PTPRN2: variants seen among roughly 807,000 people sequenced by gnomAD.
PTPRN2 encodes receptor-type tyrosine-protein phosphatase N2.
A neutral mutation model predicts 118.8 loss-of-function variants in PTPRN2; 74 were observed. That is an observed-to-expected ratio of 0.62 (90% CI 0.52 to 0.76). PTPRN2 has a LOEUF of 0.76. Among genes scored for constraint, PTPRN2 ranks in the 30% least tolerant of loss-of-function variants. PTPRN2 has a pLI of 0.00. For missense variants in PTPRN2, 1,481 were observed against 1,394.4 expected (o/e 1.06, Z -0.99); for synonymous variants, 641 against 608.0 (o/e 1.05, Z -0.80).
chr7:157,924,730 C>T (rs1042644262), intron 11 of PTPRN2, among the ~76,000 whole-genome samples: 12 of 152,256 alleles, frequency 7.9e-5, no homozygotes, highest in Non-Finnish European at 1.3e-4. Flanking sequence ...GGCACGGTAC[C>T]CTCTGCTCAC....
Position 158,196,381 on chromosome 7 carries a change from C to T in PTPRN2, c.381-3886G>A, listed in dbSNP as rs80277851. Among the ~76,000 whole-genome samples, 1,546 of 152,326 alleles carry T rather than the reference C, an allele frequency of 0.01. 88 individuals are homozygous for T. The East Asian group carries it at 0.18, about 17-fold the overall frequency. ...TGAGGCAGCTGGGGGCAAGTGTCAT[C>T]GCCACACAGCTGCGTCCCCTCCCAA... is the stretch of plus-strand genomic sequence containing the variant. On this transcript the variant is annotated intron_variant, in intron 4 of 22. Transcript: ENST00000389418.
At chr7:157,658,621 C>A (rs1363571858) in intron 13 of PTPRN2, among the ~76,000 whole-genome samples, 1 of 152,218 alleles carries the variant, frequency 6.6e-6, no homozygotes, top group East Asian at 1.9e-4. Flanking sequence ...TGCTGCCGCT[C>A]ACCTTCAGGG....
intron 2 of PTPRN2, among the ~76,000 whole-genome samples, chr7:158,346,513 CATCT>C (rs770219078): frequency 1.6e-4 from 25 of 152,338 alleles, no homozygotes; most frequent in East Asian, 7.7e-4. Context: ...TTTATCCATC[CATCT>C]GTCGATGGAC....
At chr7:158,200,575 T>G (rs1242218608) in intron 4 of PTPRN2, among the ~76,000 whole-genome samples, 1 of 152,206 alleles carries the variant, frequency 6.6e-6, no homozygotes, top group Non-Finnish European at 1.5e-5. Context: ...TATAAACTAT[T>G]TATAAAAGTC....
chr7:158,194,568 A>G (rs2150713982), intron 4 of PTPRN2, among the ~76,000 whole-genome samples: 1 of 152,314 alleles, frequency 6.6e-6, no homozygotes, highest in African/African-American at 2.4e-5. Context: ...GTCATGCCCC[A>G]CTGCCAGCAC....
intron 11 of PTPRN2, among the ~76,000 whole-genome samples, chr7:157,950,329 A>T (rs1029312755): frequency 3.9e-5 from 6 of 152,336 alleles, no homozygotes; most frequent in African/African-American, 1.4e-4. Flanking sequence ...GTGCCAGGTC[A>T]AATGCTCACT....
chr7:158,138,594 G>A, intron 6 of PTPRN2, 79 bp from the exon 7 acceptor site: 1 of 1,398,932 alleles, frequency 7.1e-7, no homozygotes, highest in Non-Finnish European at 9.9e-7. Context: ...ATAGGGGTGT[G>A]GTGGGCGTCT....
intron 11 of PTPRN2, among the ~76,000 whole-genome samples, chr7:157,924,346 C>T (rs953908580): frequency 4.6e-5 from 7 of 152,354 alleles, no homozygotes; most frequent in Admixed American, 4.6e-4. Context: ...AGGACGCCCC[C>T]TCTGACCTGC....
chr7:157,848,300 G>A (rs544871990), intron 12 of PTPRN2, among the ~76,000 whole-genome samples: 18 of 149,552 alleles, frequency 1.2e-4, no homozygotes, highest in African/African-American at 4.0e-4. Context: ...ATTACATCGT[G>A]TGTGCCTGAT....
chr7:157,977,266 G>T lies in PTPRN2; in HGVS notation c.1724-78529C>A, dbSNP rs1453069826. On this transcript the variant is annotated intron_variant, in intron 11 of 22. Transcript: ENST00000389418. This position sits in a 1 kb window ranked among gnomAD's most constrained non-coding sequence, Gnocchi z 4.6. ...GGCTGTGCCCCATGAAGCTTGCATG[G>T]AACTCACCATCTGTGGTGGCACTGA... Among the ~76,000 whole-genome samples, 1 of 151,936 alleles carries T rather than the reference G, an allele frequency of 6.6e-6. No homozygotes were observed. Among genetic ancestry groups the T allele is most frequent in the Non-Finnish European group, 1.5e-5 (1 of 67,954 alleles).
In PTPRN2 at chr7:157,633,140, TTTTC is replaced by T. The variant is rs1330539870; in HGVS notation, c.2197-11635_2197-11632del. Among the ~76,000 whole-genome samples the T allele has an allele frequency of 8.8e-4, 130 of 148,428 alleles. 1 individual carries two copies. Among genetic ancestry groups the T allele is most frequent in the African/African-American group, 3.3e-3 (127 of 38,406 alleles). Reference sequence around the variant, plus strand: ...TGGCTCATTTCTTTAGTTTCTTTTCTTTTCTTTTTTTTTTTTTTGAGACAGAGTC... The same window carrying T: ...TGGCTCATTTCTTTAGTTTCTTTTCTTTTTTTTTTTTTTTGAGACAGAGTC... On this transcript the variant is annotated intron_variant, in intron 14 of 22. Transcript: ENST00000389418.
chr7:157,838,956 G>A (rs1004191650), intron 12 of PTPRN2, among the ~76,000 whole-genome samples: 20 of 140,582 alleles, frequency 1.4e-4, no homozygotes, highest in Non-Finnish European at 2.5e-4. Flanking sequence ...GGCTACTCCA[G>A]TTCCTCTCGT....
At chr7:158,006,208 G>A (rs1805622319) in intron 11 of PTPRN2, among the ~76,000 whole-genome samples, 1 of 152,236 alleles carries the variant, frequency 6.6e-6, no homozygotes, top group Admixed American at 6.5e-5. Context: ...CCAACACTGT[G>A]TTCCTCGTGG....
chr7:157,992,268 A>G (rs1384840647), intron 11 of PTPRN2, among the ~76,000 whole-genome samples: 1 of 152,260 alleles, frequency 6.6e-6, no homozygotes, highest in Non-Finnish European at 1.5e-5. Flanking sequence ...TGTTCATTTA[A>G]ACGTGATCAA....
intron 2 of PTPRN2, among the ~76,000 whole-genome samples, chr7:158,318,077 A>C (rs1413705202): frequency 6.6e-6 from 1 of 151,990 alleles, no homozygotes. Context: ...CTCCTGTCCG[A>C]GAGCCGGCCC....
chr7:158,187,105 G>A (rs569823294), intron 5 of PTPRN2, among the ~76,000 whole-genome samples: 213 of 152,298 alleles, frequency 1.4e-3, no homozygotes, highest in Middle Eastern at 3.4e-3. Context: ...AAGTCGTAAC[G>A]ACACCTTGAT....
intron 11 of PTPRN2, among the ~76,000 whole-genome samples, chr7:157,967,147 C>T (rs1225393705): frequency 6.6e-6 from 1 of 152,134 alleles, no homozygotes; most frequent in Admixed American, 6.5e-5. Flanking sequence ...TATTGAGATC[C>T]TATCTCTATT....
chr7:158,284,121 A>G lies in PTPRN2; in HGVS notation c.277+32698T>C, dbSNP rs974324686. On this transcript the variant is annotated intron_variant, in intron 3 of 22. Transcript: ENST00000389418. ...TTCTCTCAAGCGCGTTTACACACACACTTGTTTGCCTGTGTGTTTTTGTGT... is the reference window on the plus strand; with the variant it reads ...TTCTCTCAAGCGCGTTTACACACACGCTTGTTTGCCTGTGTGTTTTTGTGT... 2.0e-5 allele frequency among the ~76,000 whole-genome samples: 3 copies of G among 152,222 alleles called. No homozygotes were observed. In the South Asian group the frequency reaches 6.2e-4, roughly 32 times the overall value.
chr7:157,599,013 C>CTTTTTTTT (rs535002797), intron 16 of PTPRN2, among the ~76,000 whole-genome samples: 1 of 145,610 alleles, frequency 6.9e-6, no homozygotes, highest in African/African-American at 2.5e-5. Flanking sequence ...TCTGTTTTTA[C>CTTTTTTTT]TTTTTTTTTT....
Sources: gnomAD v4.1 joint callset for allele counts (sites outside exome capture counted in the v4.1 genomes callset) on GRCh38, gnomAD v4.1.1 for gene constraint, Gnocchi (gnomAD v3.1) non-coding constraint, MANE v1.5 for transcripts, NCBI Gene and HGNC (gene_info 2026-07-23, HGNC 2026-07-21) for gene names.